Variants in USP30 observed in about 807,000 individuals in gnomAD.
USP30 encodes the protein ubiquitin carboxyl-terminal hydrolase 30.
A neutral mutation model predicts 68.2 loss-of-function variants in USP30; 41 were observed. The observed-to-expected ratio is 0.60, with a 90% CI of 0.47 to 0.78. The LOEUF is 0.78. Among genes scored for constraint, USP30 ranks in the 30% least tolerant of loss-of-function variants. The pLI, the probability that USP30 is intolerant of heterozygous loss-of-function variation, is 0.00. For missense variants in USP30, 522 were observed against 649.4 expected, an observed-to-expected ratio of 0.80 and a Z score of 2.13; for synonymous variants, 229 against 253.7, an observed-to-expected ratio of 0.90 and a Z score of 0.93.
chr12:109,083,075 G>A lies in USP30; in HGVS notation c.1168+13G>A, dbSNP rs1310402851. On this transcript the variant is annotated intron_variant, in intron 11 of 12. Coordinates refer to ENST00000257548, the MANE Select transcript of USP30 (RefSeq NM_032663.5). ...GCCCCCACACCAGGTGTGTGCGCGC[G>A]AGGAGCCGATGCAGCAGGAATTTTC... 1.3e-6 allele frequency: 2 copies of A among 1,577,654 alleles called. No homozygotes were observed. The highest frequency in any genetic ancestry group is 2.2e-5 in the East Asian group (1 of 44,578).
chr12:109,024,216 G>A (rs1454801689), intron 1 of USP30, among the ~76,000 whole-genome samples: 1 of 152,118 alleles, frequency 6.6e-6, no homozygotes, highest in Non-Finnish European at 1.5e-5. Flanking sequence ...CACTTGGATG[G>A]CACATAATAA....
intron 4 of USP30, among the ~76,000 whole-genome samples, chr12:109,071,389 AC>A (rs1306878985): frequency 6.6e-5 from 10 of 152,224 alleles, no homozygotes; most frequent in African/African-American, 2.4e-4. Flanking sequence ...GAAGGCAGCC[AC>A]CTGGCTTTCT....
intron 2 of USP30, among the ~76,000 whole-genome samples, chr12:109,057,235 C>G (rs1340249653): frequency 2.0e-5 from 3 of 151,232 alleles, no homozygotes; most frequent in Non-Finnish European, 4.4e-5. Flanking sequence ...AAGTGTGGCT[C>G]TATGTAACAT....
upstream of USP30, among the ~76,000 whole-genome samples, chr12:109,050,802 T>C (rs1175460130): frequency 6.7e-6 from 1 of 148,908 alleles, no homozygotes; most frequent in Non-Finnish European, 1.5e-5. Flanking sequence ...AGGTCAGGAG[T>C]TCAAGCAGCC....
chr12:109,054,446 G>A (rs140343259), intron 1 of USP30, among the ~76,000 whole-genome samples: 7 of 152,062 alleles, frequency 4.6e-5, no homozygotes, highest in Middle Eastern at 3.4e-3. Context: ...ACCTGAGCCC[G>A]GAAGGTGAAG....
At chr12:109,084,553 C>T (rs1210693024) in intron 11 of USP30, among the ~76,000 whole-genome samples, 1 of 152,154 alleles carries the variant, frequency 6.6e-6, no homozygotes, top group Non-Finnish European at 1.5e-5. Flanking sequence ...GTTCAACATC[C>T]TCTAATGCAC....
At chr12:109,055,373 T>C (rs886291940) in intron 1 of USP30, among the ~76,000 whole-genome samples, 9 of 62,872 alleles carry the variant, frequency 1.4e-4, no homozygotes, top group Non-Finnish European at 2.5e-4. Flanking sequence ...CACACACATA[T>C]ATATACATAT....
chr12:109,062,002 C>T (rs2041084168), intron 3 of USP30, among the ~76,000 whole-genome samples: 1 of 152,102 alleles, frequency 6.6e-6, no homozygotes, highest in South Asian at 2.1e-4. Flanking sequence ...GTGGTGCAGT[C>T]TCGGCTCACT....
intron 7 of USP30, among the ~76,000 whole-genome samples, chr12:109,079,835 T>G (rs1276875748): frequency 6.6e-6 from 1 of 152,228 alleles, no homozygotes; most frequent in Non-Finnish European, 1.5e-5. Flanking sequence ...CTTTACATCC[T>G]TGAGCATATT....
intron 7 of USP30, 40 bp from the exon 8 acceptor site, chr12:109,081,294 G>C (rs774328936): frequency 6.2e-7 from 1 of 1,607,486 alleles, no homozygotes; most frequent in East Asian, 2.2e-5. Flanking sequence ...TTTGAACTAA[G>C]CCTAAATCGT....
intron 7 of USP30, among the ~76,000 whole-genome samples, chr12:109,078,660 C>A (rs2041690117): frequency 6.6e-6 from 1 of 151,700 alleles, no homozygotes; most frequent in African/African-American, 2.4e-5. Context: ...ATATGTTTAC[C>A]ATTTTTCTTG....
rs925765788 is a variant in USP30, at chr12:109,081,697, A to T, written c.781-236A>T. On this transcript the variant is annotated intron_variant, in intron 8 of 12. Transcript: ENST00000257548. ...CCTCAGATTGAAAGATACCTAAAACAGCGTGGAAGTCCACAAGTTCGTGCA... is the reference window on the plus strand; with the variant it reads ...CCTCAGATTGAAAGATACCTAAAACTGCGTGGAAGTCCACAAGTTCGTGCA... The T allele has an allele frequency of 6.6e-6, 4 of 608,066 alleles. No homozygotes were observed. In the East Asian group the frequency reaches 1.1e-4, roughly 17 times the overall value. 37.7% of individuals were successfully genotyped at this position (608,066 alleles called of 1,614,324 possible).
At chr12:109,078,403 G>A (rs376000521) in intron 7 of USP30, among the ~76,000 whole-genome samples, 13 of 150,678 alleles carry the variant, frequency 8.6e-5, no homozygotes, top group African/African-American at 2.2e-4. Flanking sequence ...CAGTCTGGGC[G>A]ACAGAGTGAG....
chr12:109,061,228 G>T (rs895575750), intron 3 of USP30, among the ~76,000 whole-genome samples: 3 of 152,042 alleles, frequency 2.0e-5, no homozygotes, highest in Admixed American at 1.3e-4. Context: ...CAAAGATTTT[G>T]TGAAAGCTGA....
chr12:109,081,673 C>G, intron 8 of USP30: 1 of 597,274 alleles, frequency 1.7e-6, no homozygotes, highest in Non-Finnish European at 3.0e-6. Context: ...AGACATTAAC[C>G]TCAGATTGAA....
chr12:109,055,501 C>G (rs903491637), intron 1 of USP30, among the ~76,000 whole-genome samples: 2 of 143,002 alleles, frequency 1.4e-5, no homozygotes, highest in African/African-American at 5.1e-5. Flanking sequence ...CTCTTGGACT[C>G]AAGCCATTCT....
chr12:109,070,421 G>A lies in USP30; in HGVS notation c.481-1191G>A, dbSNP rs796617389. Among the ~76,000 whole-genome samples the A allele has an allele frequency of 9.2e-5, 14 of 152,274 alleles. No homozygotes were observed. Among genetic ancestry groups the A allele is most frequent in the African/African-American group, 2.6e-4 (11 of 41,554 alleles). On this transcript the variant is annotated intron_variant, in intron 4 of 12. Transcript: ENST00000257548. The surrounding 1 kb of genome is among the most constrained non-coding windows in gnomAD (Gnocchi z 4.0). ...GAGACCTGAAGGATAGGAGGTAGCCGTGCGAAGGTCTGAGCACAGCCCGAA... is the reference window on the plus strand; with the variant it reads ...GAGACCTGAAGGATAGGAGGTAGCCATGCGAAGGTCTGAGCACAGCCCGAA...
chr12:109,072,898 C>T (rs1356997059), intron 6 of USP30, among the ~76,000 whole-genome samples: 1 of 152,160 alleles, frequency 6.6e-6, no homozygotes, highest in Non-Finnish European at 1.5e-5. Context: ...CAATTTTCCG[C>T]ACACTGAGGC....
At chr12:109,056,831 C>T (rs375964832) in intron 2 of USP30, 40 bp downstream of exon 2, 1 of 1,418,648 alleles carries the variant, frequency 7.0e-7, no homozygotes, top group Non-Finnish European at 9.7e-7. Flanking sequence ...GTAGACTTGA[C>T]CCAGATCCCT....
Sources: gnomAD v4.1 joint callset for allele counts (sites outside exome capture counted in the v4.1 genomes callset) on GRCh38, gnomAD v4.1.1 for gene constraint, Gnocchi (gnomAD v3.1) non-coding constraint, MANE v1.5 for transcripts, NCBI Gene and HGNC (gene_info 2026-07-23, HGNC 2026-07-21) for gene names.